Variants in APBA2 observed in about 807,000 individuals in gnomAD.
APBA2 encodes amyloid-beta A4 precursor protein-binding family A member 2.
APBA2 carries 30 observed loss-of-function variants against 75.0 expected under a neutral mutation model. The observed-to-expected ratio is 0.40, with a 90% CI of 0.30 to 0.54. The LOEUF is 0.54. APBA2 is among the 20% of genes least tolerant of loss of function. The probability of loss-of-function intolerance (pLI) is 0.49; values close to 1 mark genes in which losing one functional copy is unlikely to be tolerated. For missense variants in APBA2, 801 were observed against 1,016.1 expected (o/e 0.79, Z 2.88); for synonymous variants, 444 against 409.6 (o/e 1.08, Z -1.01).
At chr15:28,996,159 G>A (rs984202198) in intron 3 of APBA2, among the ~76,000 whole-genome samples, 2 of 152,264 alleles carry the variant, frequency 1.3e-5, no homozygotes, top group Middle Eastern at 3.4e-3. Context: ...TCATTGATTT[G>A]TGTAACCCCT....
chr15:28,930,325 G>A (rs2034497102), intron 2 of APBA2, among the ~76,000 whole-genome samples: 2 of 152,160 alleles, frequency 1.3e-5, no homozygotes, highest in Non-Finnish European at 2.9e-5. Context: ...GGATAGACAT[G>A]AGCATCTTCA....
At chr15:29,020,976 G>T (rs764379755) in intron 3 of APBA2, among the ~76,000 whole-genome samples, 1 of 152,116 alleles carries the variant, frequency 6.6e-6, no homozygotes, top group Admixed American at 6.5e-5. Flanking sequence ...AAGCGTTCTG[G>T]GGGGTCGGGA....
Position 29,003,109 on chromosome 15 carries a change from C to T in APBA2, c.-41+7303C>T, listed in dbSNP as rs7170958. ...AGGCCAGCTTGACCTGTGTAGATGG[C>T]TTGGGAGAAGCCCTGGCAGGTCTTT... On this transcript the variant is annotated intron_variant, in intron 3 of 14. Transcript: ENST00000683413. 6.6e-3 allele frequency among the ~76,000 whole-genome samples: 1,002 copies of T among 151,930 alleles called. 13 individuals are homozygous for T. Among genetic ancestry groups the T allele is most frequent in the African/African-American group, 0.023 (956 of 41,420 alleles).
At chr15:28,998,735 C>T (rs562855268) in intron 3 of APBA2, among the ~76,000 whole-genome samples, 1 of 152,108 alleles carries the variant, frequency 6.6e-6, no homozygotes, top group Non-Finnish European at 1.5e-5. Context: ...AGGTGGCAGA[C>T]GTGTGTTATG....
rs369540518 is a variant in APBA2, at chr15:29,010,101, C to T, written c.-41+14295C>T. Among the ~76,000 whole-genome samples, 13 of 152,284 alleles carry T rather than the reference C, an allele frequency of 8.5e-5. 1 individual carries two copies. Among genetic ancestry groups the T allele is most frequent in the South Asian group, 8.3e-4 (4 of 4,826 alleles). Reference sequence around the variant, plus strand: ...ATTTTAATTTGATTTTTAGTGGATGCATGGTGGGATCCTCTGGTATGATTT... The same window carrying T: ...ATTTTAATTTGATTTTTAGTGGATGTATGGTGGGATCCTCTGGTATGATTT... On this transcript the variant is annotated intron_variant, in intron 3 of 14. Coordinates refer to ENST00000683413, the MANE Select transcript of APBA2 (RefSeq NM_001353788.2).
chr15:28,994,637 C>A (rs2038412954), intron 2 of APBA2, among the ~76,000 whole-genome samples: 1 of 152,132 alleles, frequency 6.6e-6, no homozygotes, highest in African/African-American at 2.4e-5. Context: ...CTTCCCTGGG[C>A]CATTTTGGGT....
chr15:28,913,919 G>A (rs555855305), intron 1 of APBA2, among the ~76,000 whole-genome samples: 1 of 152,274 alleles, frequency 6.6e-6, no homozygotes, highest in African/African-American at 2.4e-5. Flanking sequence ...GTCCTGGGCT[G>A]CAGTGACAGG....
intron 2 of APBA2, among the ~76,000 whole-genome samples, chr15:28,955,369 A>G (rs905507248): frequency 2.0e-5 from 3 of 152,236 alleles, no homozygotes; most frequent in South Asian, 2.1e-4. Context: ...CTGAGCTGCA[A>G]AGAGCTAAGG....
intron 8 of APBA2, among the ~76,000 whole-genome samples, chr15:29,095,435 GAAAA>G (rs67934513): frequency 1.3e-5 from 2 of 150,688 alleles, no homozygotes; most frequent in African/African-American, 5.0e-5. Flanking sequence ...CATCTCAAAA[GAAAA>G]AAAAAAAGGA....
intron 1 of APBA2, among the ~76,000 whole-genome samples, chr15:28,902,344 G>A (rs944475360): frequency 1.3e-5 from 2 of 152,118 alleles, no homozygotes; most frequent in African/African-American, 2.4e-5. Context: ...ACAAATTCCA[G>A]TTGAGGGGCA....
At chr15:28,963,121 G>A (rs1353669122) in intron 2 of APBA2, among the ~76,000 whole-genome samples, 1 of 152,214 alleles carries the variant, frequency 6.6e-6, no homozygotes, top group African/African-American at 2.4e-5. Context: ...AGAAGGCCTG[G>A]TGTGAATTTT....
chr15:28,895,247 G>A (rs143841086), intron 1 of APBA2, among the ~76,000 whole-genome samples: 170 of 152,334 alleles, frequency 1.1e-3, no homozygotes, highest in African/African-American at 3.9e-3. Flanking sequence ...GACAGCGCAG[G>A]TGTGGCCTCC....
In APBA2 at chr15:29,054,267, C is replaced by A. The variant is rs2041763381; in HGVS notation, c.383C>A (p.Pro128His). 3 of 1,614,034 alleles carry A rather than the reference C, an allele frequency of 1.9e-6. No individual in the cohort carries two copies. Among genetic ancestry groups the A allele is most frequent in the Middle Eastern group, 3.3e-4 (2 of 6,084 alleles). Residue 128 changes from proline (P) to histidine (H), a missense_variant, in exon 4 of 15, where the codon CCT becomes CAT. Physicochemically the swap from Pro to His is moderately conservative, Grantham distance 77. This residue lies in a region of APBA2 where 434 missense variants were observed against 471.6 expected (regional missense o/e 0.92). Coordinates refer to ENST00000683413, the MANE Select transcript of APBA2 (RefSeq NM_001353788.2). The surrounding 1 kb of genome is among the most constrained non-coding windows in gnomAD (Gnocchi z 6.1). ...GEEYLAHSAHPVDTDECQEAV... is the reference protein window; with the variant it reads ...GEEYLAHSAHHVDTDECQEAV... ...GAGTACCTGGCCCACAGTGCACACCCTGTGGACACTGATGAGTGCCAGGAG... is the reference window on the plus strand; with the variant it reads ...GAGTACCTGGCCCACAGTGCACACCATGTGGACACTGATGAGTGCCAGGAG...
chr15:28,967,714 A>AG (rs1348395934), intron 2 of APBA2, among the ~76,000 whole-genome samples: 1 of 152,216 alleles, frequency 6.6e-6, no homozygotes, highest in Non-Finnish European at 1.5e-5. Flanking sequence ...CTAGGATTAT[A>AG]GGTGTGAGCC....
chr15:29,053,204 G>A (rs146567302), intron 3 of APBA2, among the ~76,000 whole-genome samples: 5 of 152,204 alleles, frequency 3.3e-5, no homozygotes, highest in Non-Finnish European at 7.4e-5. Context: ...CCCCATGGCC[G>A]AGCAGTGCTG....
chr15:29,104,005 C>A (rs2044270915), intron 10 of APBA2, among the ~76,000 whole-genome samples: 1 of 152,224 alleles, frequency 6.6e-6, no homozygotes, highest in African/African-American at 2.4e-5. Flanking sequence ...ACCGGCAAGT[C>A]CTGGAAACGG....
chr15:29,050,874 C>T lies in APBA2; in HGVS notation c.-40-2971C>T, dbSNP rs142036152. 2.3e-3 allele frequency among the ~76,000 whole-genome samples: 343 copies of T among 152,286 alleles called. 1 individual carries two copies. The highest frequency in any genetic ancestry group is 0.016 in the South Asian group (78 of 4,816). On this transcript the variant is annotated intron_variant, in intron 3 of 14. Coordinates refer to ENST00000683413, the MANE Select transcript of APBA2 (RefSeq NM_001353788.2). The stretch of plus-strand genomic sequence containing the variant: ...CAACGTGCACAGCTTGATGTCAGAG[C>T]CTGGCGAGAAACAGGGATGCTGTAG...
chr15:29,032,545 G>T (rs994782413), intron 3 of APBA2, among the ~76,000 whole-genome samples: 23 of 152,100 alleles, frequency 1.5e-4, no homozygotes, highest in African/African-American at 4.8e-4. Flanking sequence ...ATATCCTGTT[G>T]GTTCTCTTTC....
At chr15:29,013,703 T>C (rs921794717) in intron 3 of APBA2, among the ~76,000 whole-genome samples, 2 of 152,240 alleles carry the variant, frequency 1.3e-5, no homozygotes, top group African/African-American at 4.8e-5. Flanking sequence ...GAAGACAGTA[T>C]TCATCATAAA....
Sources: gnomAD v4.1 joint callset for allele counts (sites outside exome capture counted in the v4.1 genomes callset) on GRCh38, gnomAD v4.1.1 for gene constraint, gnomAD v4.1.1 regional missense constraint, Gnocchi (gnomAD v3.1) non-coding constraint, MANE v1.5 for transcripts, NCBI Gene and HGNC (gene_info 2026-07-23, HGNC 2026-07-21) for gene names.